The following PTPRT variants were observed in gnomAD, a reference collection of about 807,000 sequenced individuals.
PTPRT encodes the protein protein tyrosine phosphatase receptor type T.
Under a neutral mutation model 176.8 loss-of-function variants are expected in PTPRT, and 56 were observed. The observed-to-expected ratio is 0.32, with a 90% CI of 0.26 to 0.40. The LOEUF is 0.40. Among genes scored for constraint, PTPRT ranks in the 10% least tolerant of loss-of-function variants. PTPRT has a pLI of 1.00. For missense variants in PTPRT, 1,540 were observed against 1,908.2 expected, an observed-to-expected ratio of 0.81 and a Z score of 3.60; for synonymous variants, 783 against 739.0, an observed-to-expected ratio of 1.06 and a Z score of -0.96.
chr20:42,187,251 G>T (rs1429247700), intron 16 of PTPRT, among the ~76,000 whole-genome samples: 1 of 152,058 alleles, frequency 6.6e-6, no homozygotes, highest in African/African-American at 2.4e-5. Flanking sequence ...GCTACTAATG[G>T]TTATTATTTT....
chr20:42,797,545 C>T (rs927702254), intron 2 of PTPRT, among the ~76,000 whole-genome samples: 2 of 151,652 alleles, frequency 1.3e-5, no homozygotes, highest in Non-Finnish European at 2.9e-5. Flanking sequence ...TCCCACCCTC[C>T]CCCGCAAACA....
Position 42,464,994 on chromosome 20 carries a change from G to A in PTPRT, c.1450+7272C>T, listed in dbSNP as rs117143142. On this transcript the variant is annotated intron_variant, in intron 8 of 30. Coordinates refer to ENST00000373187, the MANE Select transcript of PTPRT (RefSeq NM_007050.6). ...AGTACATGAGTTTTTTAAAAAGTAT[G>A]ATGCTAAATGAAATAATATATGTTT... Among the ~76,000 whole-genome samples the A allele has an allele frequency of 9.0e-3, 1,370 of 152,102 alleles. 11 individuals carry two copies. The highest frequency in any genetic ancestry group is 0.027 in the South Asian group (131 of 4,812).
intron 2 of PTPRT, among the ~76,000 whole-genome samples, chr20:42,872,315 G>A (rs1244165868): frequency 6.6e-6 from 1 of 152,202 alleles, no homozygotes. Context: ...TAGTAGTTGT[G>A]GGGAAATAAA....
intron 1 of PTPRT, among the ~76,000 whole-genome samples, chr20:43,105,404 C>T (rs1466465738): frequency 6.6e-6 from 1 of 151,232 alleles, no homozygotes; most frequent in Non-Finnish European, 1.5e-5. Context: ...TCTTCTGATA[C>T]TCTTTTTTTT....
chr20:42,101,660 C>T (rs540351197), intron 26 of PTPRT, among the ~76,000 whole-genome samples: 174 of 152,322 alleles, frequency 1.1e-3, no homozygotes, highest in Non-Finnish European at 1.9e-3. Context: ...CCCTACTGTG[C>T]GCCATCCTCA....
chr20:42,836,225 A>G (rs2078178452), intron 2 of PTPRT, among the ~76,000 whole-genome samples: 1 of 151,990 alleles, frequency 6.6e-6, no homozygotes, highest in Non-Finnish European at 1.5e-5. Flanking sequence ...CGCCTCCCAC[A>G]TAGGGCCAGG....
chr20:42,156,094 G>A (rs554874167), intron 17 of PTPRT, among the ~76,000 whole-genome samples: 3 of 152,208 alleles, frequency 2.0e-5, no homozygotes, highest in South Asian at 2.1e-4. Context: ...TATGCTAGCC[G>A]CTCTGCCTGG....
At chr20:42,532,374 C>T (rs772453549) in intron 7 of PTPRT, among the ~76,000 whole-genome samples, 4 of 152,084 alleles carry the variant, frequency 2.6e-5, no homozygotes, top group African/African-American at 4.8e-5. Flanking sequence ...TCACATCCTT[C>T]TATAAAAGGG....
chr20:43,107,169 T>A (rs1202369817), intron 1 of PTPRT, among the ~76,000 whole-genome samples: 1 of 152,146 alleles, frequency 6.6e-6, no homozygotes. Flanking sequence ...TTAAAGAATT[T>A]TCAAGTGAAA....
chr20:42,703,870 G>C (rs567135392), intron 6 of PTPRT, among the ~76,000 whole-genome samples: 10 of 151,678 alleles, frequency 6.6e-5, no homozygotes, highest in African/African-American at 2.4e-4. Context: ...CTGTCATCCG[G>C]GGTTTGGTCC....
In PTPRT at chr20:43,053,717, TTG is replaced by T. The variant is rs199831942; in HGVS notation, c.88+135927_88+135928del. On this transcript the variant is annotated intron_variant, in intron 1 of 30. Coordinates refer to ENST00000373187, the MANE Select transcript of PTPRT (RefSeq NM_007050.6). ...ACTGAGCTGGCCACCACCCTGGCGA[TTG>T]CTCTCCACAGTGTTTGAGGACTGTT... is the stretch of plus-strand genomic sequence containing the variant. Among the ~76,000 whole-genome samples the T allele has an allele frequency of 2.0e-3, 300 of 152,262 alleles. 5 individuals are homozygous for T. The highest frequency in any genetic ancestry group is 0.017 in the Admixed American group (265 of 15,298).
chr20:42,882,709 T>TA (rs1350511592), intron 2 of PTPRT, among the ~76,000 whole-genome samples: 4 of 152,214 alleles, frequency 2.6e-5, no homozygotes, highest in Admixed American at 2.6e-4. Context: ...GCACTGAAGA[T>TA]AAAGTTATGA....
intron 7 of PTPRT, among the ~76,000 whole-genome samples, chr20:42,477,394 T>C (rs2071309630): frequency 6.8e-6 from 1 of 147,850 alleles, no homozygotes; most frequent in African/African-American, 2.5e-5. Flanking sequence ...TATATATATA[T>C]TTTTTTTGCA....
chr20:42,963,647 C>T (rs754724055), intron 1 of PTPRT, among the ~76,000 whole-genome samples: 2 of 151,718 alleles, frequency 1.3e-5, no homozygotes, highest in Non-Finnish European at 2.9e-5. Context: ...ATTAGAAACA[C>T]GAATAAAAAT....
At chr20:43,004,443 A>T (rs2294591) in intron 1 of PTPRT, among the ~76,000 whole-genome samples, 55,871 of 152,072 alleles carry the variant, frequency 0.37, 12,037 homozygotes, top group African/African-American at 0.61. Flanking sequence ...TAATAATTAA[A>T]CAAAAATGTC....
chr20:42,458,699 T>C (rs889618989), intron 8 of PTPRT, among the ~76,000 whole-genome samples: 1 of 152,240 alleles, frequency 6.6e-6, no homozygotes, highest in East Asian at 1.9e-4. Flanking sequence ...AATGATGTTA[T>C]ATTGCTAATC....
intron 1 of PTPRT, among the ~76,000 whole-genome samples, chr20:43,003,429 T>C (rs568528845): frequency 6.6e-6 from 1 of 152,182 alleles, no homozygotes; most frequent in Non-Finnish European, 1.5e-5. Context: ...CTCTAACTCC[T>C]GAGCTCAAGC....
chr20:42,711,593 C>A (rs1367334964), intron 6 of PTPRT, among the ~76,000 whole-genome samples: 1 of 152,110 alleles, frequency 6.6e-6, no homozygotes, highest in Non-Finnish European at 1.5e-5. Flanking sequence ...GCTTACACAA[C>A]CATGCAGAGC....
intron 11 of PTPRT, among the ~76,000 whole-genome samples, chr20:42,341,570 TA>T (rs2058112392): frequency 6.6e-6 from 1 of 152,194 alleles, no homozygotes; most frequent in Admixed American, 6.5e-5. Flanking sequence ...TAAAGTTTCG[TA>T]GCTCTCTGTT....
Sources: gnomAD v4.1 joint callset for allele counts (sites outside exome capture counted in the v4.1 genomes callset) on GRCh38, gnomAD v4.1.1 for gene constraint, MANE v1.5 for transcripts, NCBI Gene and HGNC (gene_info 2026-07-23, HGNC 2026-07-21) for gene names.